DYNC2H1: variants seen among roughly 807,000 people sequenced by gnomAD.
DYNC2H1 encodes cytoplasmic dynein 2 heavy chain 1.
A neutral mutation model predicts 570.0 loss-of-function variants in DYNC2H1; 410 were observed. The ratio of observed to expected loss-of-function variants is 0.72; its 90% CI spans 0.66 to 0.78. The LOEUF (loss-of-function observed/expected upper bound fraction) is 0.78. Ranked by LOEUF, DYNC2H1 falls within the 30% of genes least tolerant of loss-of-function variation. The pLI, the probability that DYNC2H1 is intolerant of heterozygous loss-of-function variation, is 0.00. For missense variants in DYNC2H1, 4,865 were observed against 5,046.4 expected, an observed-to-expected ratio of 0.96 and a Z score of 1.09; for synonymous variants, 1,688 against 1,677.6, an observed-to-expected ratio of 1.01 and a Z score of -0.15.
At chr11:103,140,192 T>C (rs578160140) in intron 17 of DYNC2H1, among the ~76,000 whole-genome samples, 9 of 152,238 alleles carry the variant, frequency 5.9e-5, no homozygotes, top group African/African-American at 1.7e-4. Context: ...TGTCTTTTAA[T>C]TGTGTCTTTA....
In DYNC2H1 at chr11:103,109,431, G is replaced by A. The variant is rs1489005068; in HGVS notation, c.-144G>A. 8 of 777,534 alleles carry A rather than the reference G, an allele frequency of 1.0e-5. No homozygotes were observed. Among genetic ancestry groups the A allele is most frequent in the Non-Finnish European group, 2.0e-6 (1 of 508,690 alleles). The allele number at this position is 777,534 out of a possible 1,614,324, so 48.2% of individuals were successfully genotyped here. On this transcript the variant is annotated 5_prime_UTR_variant, in exon 1 of 89. Transcript: ENST00000375735. ...CGCCGTAGTGCTCCGTCGCCATAGC[G>A]ACTACCCCTGGCAACCGCGAAGCTC...
At chr11:103,116,746 T>C in intron 5 of DYNC2H1, 32 bp downstream of exon 5, 1 of 1,553,470 alleles carries the variant, frequency 6.4e-7, no homozygotes, top group Non-Finnish European at 8.7e-7. Context: ...TTTGGAATTT[T>C]GAAAACCTGT....
chr11:103,121,247 T>G, intron 9 of DYNC2H1, 125 bp from the exon 10 acceptor site: 2 of 1,181,334 alleles, frequency 1.7e-6, no homozygotes, highest in Non-Finnish European at 2.3e-6. Context: ...GTACAGTCCT[T>G]GGGGATAAGG....
At chr11:103,383,106 A>AG (rs943359498) in intron 83 of DYNC2H1, among the ~76,000 whole-genome samples, 1 of 152,106 alleles carries the variant, frequency 6.6e-6, no homozygotes, top group South Asian at 2.1e-4. Context: ...GATGTGTTTG[A>AG]GGGGGGGATT....
rs935470759 is a variant in DYNC2H1, at chr11:103,348,107, C to T, written c.12040-10136C>T. On this transcript the variant is annotated intron_variant, in intron 82 of 88. Coordinates refer to ENST00000375735, the MANE Select transcript of DYNC2H1 (RefSeq NM_001377.3). ...GCAAATTCTAATTCCTGGTAACATC[C>T]AGAGCTGAAGGCAAAGGTGATAGAA... Among the ~76,000 whole-genome samples the T allele has an allele frequency of 5.9e-5, 9 of 152,052 alleles. No homozygotes were observed. The East Asian group carries it at 1.7e-3, about 29-fold the overall frequency.
At chr11:103,168,446 C>T (rs893540551) in intron 31 of DYNC2H1, among the ~76,000 whole-genome samples, 2 of 152,142 alleles carry the variant, frequency 1.3e-5, no homozygotes, top group African/African-American at 4.8e-5. Flanking sequence ...GTATGTTGTC[C>T]AACAGGTTTT....
chr11:103,110,259 G>A (rs1565305219), intron 1 of DYNC2H1, among the ~76,000 whole-genome samples: 1 of 152,122 alleles, frequency 6.6e-6, no homozygotes, highest in East Asian at 1.9e-4. Context: ...GACCTCAAGT[G>A]ATCCGGCCTC....
At chr11:103,126,373 A>G (rs745798671) in intron 12 of DYNC2H1, among the ~76,000 whole-genome samples, 2 of 152,154 alleles carry the variant, frequency 1.3e-5, no homozygotes, top group Non-Finnish European at 2.9e-5. Flanking sequence ...ATATCTCTAG[A>G]TATTGCCAAA....
intron 70 of DYNC2H1, among the ~76,000 whole-genome samples, chr11:103,273,345 T>C (rs1020550733): frequency 6.6e-6 from 1 of 151,908 alleles, no homozygotes; most frequent in South Asian, 2.1e-4. Flanking sequence ...CACACCACCA[T>C]GGGCGGCTAC....
intron 18 of DYNC2H1, among the ~76,000 whole-genome samples, chr11:103,144,987 TC>T (rs2134838468): frequency 6.6e-6 from 1 of 152,170 alleles, no homozygotes; most frequent in East Asian, 1.9e-4. Flanking sequence ...TTTAAGTGAT[TC>T]CCCTGCCTCA....
intron 82 of DYNC2H1, among the ~76,000 whole-genome samples, chr11:103,357,979 A>T (rs140750036): frequency 6.6e-5 from 10 of 152,262 alleles, no homozygotes; most frequent in Non-Finnish European, 1.2e-4. Flanking sequence ...CAACAAATGA[A>T]GCATCTTTCA....
Position 103,241,402 on chromosome 11 carries a change from C to A in DYNC2H1, c.9820-2291C>A. ...TGTACCATAGAAATCTTATCTAAAT[C>A]TGTCTGGAGACGTAAAATAAGATGA... On this transcript the variant is annotated intron_variant, in intron 63 of 88. Transcript: ENST00000375735. The surrounding 1 kb of genome is among the most constrained non-coding windows in gnomAD (Gnocchi z 5.1). The A allele has an allele frequency of 2.7e-6, 2 of 745,870 alleles. No homozygotes were observed. Among genetic ancestry groups the A allele is most frequent in the Non-Finnish European group, 2.2e-6 (1 of 450,498 alleles). 46.2% of individuals were successfully genotyped at this position (745,870 alleles called of 1,614,324 possible). A position where few individuals can be genotyped will look rare whatever the true frequency, so the allele number is the denominator to read the frequency against.
rs961720614 is a variant in DYNC2H1 at position 103,241,837 on chromosome 11, A to G, written c.9820-1856A>G. The stretch of plus-strand genomic sequence containing the variant: ...TAGTCTACTGTGGGTGCAAGTGAAA[A>G]CAAGGTACCTTGTCTGTGGACCATT... On this transcript the variant is annotated intron_variant, in intron 63 of 88. Coordinates refer to ENST00000375735, the MANE Select transcript of DYNC2H1 (RefSeq NM_001377.3). The surrounding 1 kb of genome is among the most constrained non-coding windows in gnomAD (Gnocchi z 5.1). Among the ~76,000 whole-genome samples the G allele has an allele frequency of 6.6e-6, 1 of 152,052 alleles. No homozygotes were observed. The highest frequency in any genetic ancestry group is 2.4e-5 in the African/African-American group (1 of 41,370).
intron 78 of DYNC2H1, 130 bp from the exon 79 acceptor site, chr11:103,311,748 A>G (rs1264426339): frequency 6.0e-5 from 48 of 803,530 alleles, no homozygotes; most frequent in Middle Eastern, 7.4e-4. Context: ...TTGAAGTAAC[A>G]TAATAATTTA....
intron 84 of DYNC2H1, among the ~76,000 whole-genome samples, chr11:103,418,404 A>C (rs923086749): frequency 6.6e-6 from 1 of 152,240 alleles, no homozygotes; most frequent in African/African-American, 2.4e-5. Flanking sequence ...ATTGAAATTT[A>C]AAAATATTAT....
In DYNC2H1 at chr11:103,179,293, A is replaced by T. The variant is rs993814892; in HGVS notation, c.6347+60A>T. ...AATATTCTTTTACTGTCCTGGTTTC[A>T]TATTAAGTAAAATAAGTGTAGTGTG... On this transcript the variant is annotated intron_variant, in intron 39 of 88. Coordinates refer to ENST00000375735, the MANE Select transcript of DYNC2H1 (RefSeq NM_001377.3). 4.0e-6 allele frequency: 6 copies of T among 1,495,584 alleles called. No individual in the cohort carries two copies. The African/African-American group carries it at 8.3e-5, about 21-fold the overall frequency. 92.6% of individuals were successfully genotyped at this position (1,495,584 alleles called of 1,614,324 possible).
rs540523222 is a variant in DYNC2H1, at chr11:103,469,880, G to T, written c.12765+1175G>T. Among the ~76,000 whole-genome samples the T allele has an allele frequency of 5.3e-5, 8 of 152,210 alleles. No homozygotes were observed. The South Asian group carries it at 1.7e-3, about 32-fold the overall frequency. On this transcript the variant is annotated intron_variant, in intron 88 of 88. Transcript: ENST00000375735. ...TTGAAACTTATATACAAAAGTTAAG[G>T]TTGGAATTTGTCAAGTGTTGTGAAT...
chr11:103,235,726 G>C lies in DYNC2H1; in HGVS notation c.9622G>C (p.Ala3208Pro), dbSNP rs763720022. ...TCTTCCTAAAAGAGCTCAACTTGCTGCTGCATTTATTACATATCTTTCTGC... is the reference window on the plus strand; with the variant it reads ...TCTTCCTAAAAGAGCTCAACTTGCTCCTGCATTTATTACATATCTTTCTGC... ...ATLPKRAQLA[A>P]AFITYLSAAP... The change falls in exon 62 of 89, where the codon GCT (alanine) becomes CCT (proline). Residue 3208 changes from alanine to proline, a missense_variant. Coordinates refer to ENST00000375735, the MANE Select transcript of DYNC2H1 (RefSeq NM_001377.3). 1 of 1,611,486 alleles carries C rather than the reference G, an allele frequency of 6.2e-7. No individual in the cohort carries two copies. The highest frequency in any genetic ancestry group is 2.2e-5 in the East Asian group (1 of 44,738).
chr11:103,399,602 C>A (rs1172815135), intron 83 of DYNC2H1, 61 bp from the exon 84 acceptor site: 10 of 1,158,064 alleles, frequency 8.6e-6, no homozygotes, highest in Non-Finnish European at 1.1e-5. Flanking sequence ...AGTTTCAAAG[C>A]GTTTTATATA....
Sources: gnomAD v4.1 joint callset for allele counts (sites outside exome capture counted in the v4.1 genomes callset) on GRCh38, gnomAD v4.1.1 for gene constraint, Gnocchi (gnomAD v3.1) non-coding constraint, MANE v1.5 for transcripts, NCBI Gene and HGNC (gene_info 2026-07-23, HGNC 2026-07-21) for gene names.